PTPRM: variants seen among roughly 807,000 people sequenced by gnomAD.
The protein encoded by PTPRM is receptor-type tyrosine-protein phosphatase mu.
Under a neutral mutation model 186.7 loss-of-function variants are expected in PTPRM, and 47 were observed. The ratio of observed to expected loss-of-function variants is 0.25; its 90% CI spans 0.20 to 0.32. The LOEUF (loss-of-function observed/expected upper bound fraction) is 0.32, where lower values mean the gene tolerates loss of function less well. Among genes scored for constraint, PTPRM ranks in the 10% least tolerant of loss-of-function variants. The pLI, the probability that PTPRM is intolerant of heterozygous loss-of-function variation, is 1.00. For synonymous variants in PTPRM, 668 were observed against 674.9 expected (o/e 0.99, Z 0.16); for missense variants, 1,494 against 1,865.0 (o/e 0.80, Z 3.66).
At chr18:8,172,740 C>A (rs969319230) in intron 14 of PTPRM, among the ~76,000 whole-genome samples, 6 of 151,910 alleles carry the variant, frequency 3.9e-5, no homozygotes, top group Non-Finnish European at 8.8e-5. Context: ...AACCTCAGCC[C>A]ATTTGAAGCA....
At chr18:7,821,119 A>G (rs935823422) in intron 2 of PTPRM, among the ~76,000 whole-genome samples, 1 of 152,092 alleles carries the variant, frequency 6.6e-6, no homozygotes, top group African/African-American at 2.4e-5. Flanking sequence ...GTGGAGAGAA[A>G]ACCCATCTGG....
intron 14 of PTPRM, among the ~76,000 whole-genome samples, chr18:8,147,994 T>G (rs2092923832): frequency 6.6e-6 from 1 of 152,224 alleles, no homozygotes. Flanking sequence ...GGGATGAAAC[T>G]GACTTCATTG....
chr18:7,762,550 G>C (rs191160180), intron 1 of PTPRM, among the ~76,000 whole-genome samples: 75 of 152,264 alleles, frequency 4.9e-4, no homozygotes, highest in Non-Finnish European at 7.4e-5. Flanking sequence ...CTATCCGATG[G>C]ACAATAAAGG....
intron 14 of PTPRM, among the ~76,000 whole-genome samples, chr18:8,230,103 C>A (rs1177821615): frequency 6.6e-6 from 1 of 152,218 alleles, no homozygotes; most frequent in African/African-American, 2.4e-5. Context: ...TTTAGCCTAT[C>A]AGCCTTTCTA....
chr18:7,634,222 A>G (rs999725307), intron 1 of PTPRM, among the ~76,000 whole-genome samples: 11 of 152,118 alleles, frequency 7.2e-5, no homozygotes, highest in Admixed American at 5.2e-4. Flanking sequence ...TTCATTCCAT[A>G]AAGAACAGGA....
At chr18:8,370,189 C>CA (rs11288424) in intron 23 of PTPRM, among the ~76,000 whole-genome samples, 3,302 of 121,830 alleles carry the variant, frequency 0.027, 200 homozygotes, top group Admixed American at 0.17. Flanking sequence ...ACATTCTTAC[C>CA]AAAAAAAAAA....
At chr18:7,780,611 G>A (rs9959159) in intron 2 of PTPRM, among the ~76,000 whole-genome samples, 2,428 of 152,228 alleles carry the variant, frequency 0.016, 44 homozygotes, top group African/African-American at 0.049. Flanking sequence ...TTCGTGGAAC[G>A]ACTACTATGG....
intron 18 of PTPRM, 97 bp from the exon 19 acceptor site, chr18:8,253,130 G>A (rs375259478): frequency 1.2e-5 from 13 of 1,042,726 alleles, no homozygotes; most frequent in East Asian, 3.2e-5. Flanking sequence ...GCACCCCTAG[G>A]TGAGGGGATG....
chr18:8,255,956 A>G (rs2094570738), intron 19 of PTPRM, among the ~76,000 whole-genome samples: 1 of 152,192 alleles, frequency 6.6e-6, no homozygotes, highest in Non-Finnish European at 1.5e-5. Context: ...GCTTCTGGGA[A>G]CTGGTGGTGG....
chr18:8,312,052 C>T (rs2148010786), intron 20 of PTPRM, among the ~76,000 whole-genome samples: 1 of 152,312 alleles, frequency 6.6e-6, no homozygotes, highest in East Asian at 1.9e-4. Context: ...TTTTGAAAAC[C>T]TGCCCAGGGA....
At chr18:7,580,705 C>G (rs1017898007) in intron 1 of PTPRM, among the ~76,000 whole-genome samples, 24 of 152,168 alleles carry the variant, frequency 1.6e-4, no homozygotes, top group African/African-American at 5.3e-4. Flanking sequence ...TCAACGGAGA[C>G]TTTGGGAGGT....
intron 2 of PTPRM, among the ~76,000 whole-genome samples, chr18:7,838,738 C>G (rs1298847596): frequency 6.6e-6 from 1 of 152,228 alleles, no homozygotes; most frequent in African/African-American, 2.4e-5. Flanking sequence ...TCAGGCCTGC[C>G]TCCTTCCCTG....
chr18:8,280,906 T>C (rs1300902910), intron 19 of PTPRM, among the ~76,000 whole-genome samples: 2 of 152,204 alleles, frequency 1.3e-5, no homozygotes, highest in East Asian at 1.9e-4. Context: ...CACGGTCTAA[T>C]TGTGCCAGTA....
chr18:8,324,015 A>G (rs2148107145), intron 22 of PTPRM, among the ~76,000 whole-genome samples: 1 of 152,336 alleles, frequency 6.6e-6, no homozygotes, highest in East Asian at 1.9e-4. Context: ...CAGAAACATT[A>G]AAAGCTATTT....
In PTPRM at chr18:7,665,694, A is replaced by AG. The variant is rs530928189; in HGVS notation, c.73+97809dup. On this transcript the variant is annotated intron_variant, in intron 1 of 32. Coordinates refer to ENST00000580170, the MANE Select transcript of PTPRM (RefSeq NM_001105244.2). ...GTAATCCCAGCACTTTTGGAGGCCGAGGGGGGTGGATCATGAGGTCAGGAG... is the reference window on the plus strand; with the variant it reads ...GTAATCCCAGCACTTTTGGAGGCCGAGGGGGGGTGGATCATGAGGTCAGGAG... Among the ~76,000 whole-genome samples, 48 of 152,148 alleles carry AG rather than the reference A, an allele frequency of 3.2e-4. 1 individual carries two copies. The South Asian group carries it at 4.4e-3, about 14-fold the overall frequency.
chr18:7,647,265 C>T (rs935929591), intron 1 of PTPRM, among the ~76,000 whole-genome samples: 1 of 152,166 alleles, frequency 6.6e-6, no homozygotes, highest in African/African-American at 2.4e-5. Context: ...TTGAAAAACT[C>T]AATCTCACAA....
At chr18:8,155,773 C>G (rs1053789257) in intron 14 of PTPRM, among the ~76,000 whole-genome samples, 11 of 152,202 alleles carry the variant, frequency 7.2e-5, no homozygotes, top group Admixed American at 2.0e-4. Flanking sequence ...TTCCCCCGGC[C>G]TATCCATTTA....
intron 1 of PTPRM, among the ~76,000 whole-genome samples, chr18:7,696,801 G>T (rs73389600): frequency 0.043 from 6,558 of 152,200 alleles, 450 homozygotes; most frequent in African/African-American, 0.14. Context: ...CATCAAACTT[G>T]ACTACAACAG....
chr18:7,686,177 C>T (rs1179082261), intron 1 of PTPRM, among the ~76,000 whole-genome samples: 1 of 152,082 alleles, frequency 6.6e-6, no homozygotes, highest in Admixed American at 6.5e-5. Flanking sequence ...GTCCATGGGA[C>T]AAGGATCTCC....
Sources: gnomAD v4.1 joint callset for allele counts (sites outside exome capture counted in the v4.1 genomes callset) on GRCh38, gnomAD v4.1.1 for gene constraint, MANE v1.5 for transcripts, NCBI Gene and HGNC (gene_info 2026-07-23, HGNC 2026-07-21) for gene names.